The following ANKRD45 variants were observed in gnomAD, a reference collection of about 807,000 sequenced individuals.
ANKRD45 encodes ankyrin repeat domain-containing protein 45.
Under a neutral mutation model 28.1 loss-of-function variants are expected in ANKRD45, and 21 were observed. The ratio of observed to expected loss-of-function variants is 0.75; its 90% CI spans 0.53 to 1.08. ANKRD45 has a LOEUF of 1.08. Ranked by LOEUF, ANKRD45 falls within the 50% of genes least tolerant of loss-of-function variation. The pLI is 0.00. For synonymous variants in ANKRD45, 86 were observed against 103.9 expected, an observed-to-expected ratio of 0.83 and a Z score of 1.05; for missense variants, 261 against 308.7, an observed-to-expected ratio of 0.85 and a Z score of 1.16.
upstream of ANKRD45, among the ~76,000 whole-genome samples, chr1:173,674,269 C>T (rs1167658062): frequency 6.6e-6 from 1 of 152,154 alleles, no homozygotes; most frequent in Non-Finnish European, 1.5e-5. Context: ...CTGCCTCAGC[C>T]TCCCAAAGGG....
chr1:173,666,536 AC>A (rs1372365916), intron 1 of ANKRD45, among the ~76,000 whole-genome samples: 1 of 152,164 alleles, frequency 6.6e-6, no homozygotes, highest in Non-Finnish European at 1.5e-5. Context: ...TACTTATAAT[AC>A]CTAATACGAT....
At chr1:173,694,630 G>C in the ANKRD45 span, among the ~76,000 whole-genome samples, 1 of 151,348 alleles carries the variant, frequency 6.6e-6, no homozygotes, top group African/African-American at 2.4e-5. Context: ...ATTGTATAGT[G>C]GTGAATCTGG....
At chr1:173,653,295 G>T (rs1669330360) in intron 2 of ANKRD45, among the ~76,000 whole-genome samples, 1 of 152,162 alleles carries the variant, frequency 6.6e-6, no homozygotes, top group East Asian at 1.9e-4. Context: ...CTGGTATGTT[G>T]TGTCTTTGTT....
At chr1:173,667,806 C>G in intron 1 of ANKRD45, 1 of 387,222 alleles carries the variant, frequency 2.6e-6, no homozygotes, top group Non-Finnish European at 5.0e-6. Flanking sequence ...AATACTCTTC[C>G]CTTTTCCAAC....
At chr1:173,661,505 T>C (rs1479886314) in intron 1 of ANKRD45, among the ~76,000 whole-genome samples, 2 of 152,156 alleles carry the variant, frequency 1.3e-5, no homozygotes, top group Non-Finnish European at 2.9e-5. Context: ...TGTAGACAAC[T>C]GGTAGAGCAA....
chr1:173,677,479 T>C, the ANKRD45 span, among the ~76,000 whole-genome samples: 1 of 152,178 alleles, frequency 6.6e-6, no homozygotes, highest in African/African-American at 2.4e-5. Flanking sequence ...ACTGTACTTA[T>C]TTTATGTCTT....
At chr1:173,710,337 G>A in the ANKRD45 span, among the ~76,000 whole-genome samples, 6 of 152,216 alleles carry the variant, frequency 3.9e-5, no homozygotes, top group African/African-American at 7.2e-5. Flanking sequence ...AGAGATGGAG[G>A]CAAGTTTTAG....
the ANKRD45 span, among the ~76,000 whole-genome samples, chr1:173,688,779 T>C: frequency 6.6e-6 from 1 of 150,686 alleles, no homozygotes; most frequent in African/African-American, 2.4e-5. Context: ...TCTTTCTGCC[T>C]CTTTCCTCTC....
chr1:173,650,940 G>T (rs1272876381), intron 2 of ANKRD45, among the ~76,000 whole-genome samples: 1 of 151,688 alleles, frequency 6.6e-6, no homozygotes, highest in Non-Finnish European at 1.5e-5. Context: ...TTTTGATGGG[G>T]TTGTTTTTTT....
chr1:173,686,067 T>A, the ANKRD45 span, among the ~76,000 whole-genome samples: 3 of 152,028 alleles, frequency 2.0e-5, no homozygotes, highest in Non-Finnish European at 2.9e-5. Flanking sequence ...GACACTGGGG[T>A]CTTTATTGAA....
At chr1:173,615,290 C>T (rs1391344411) in intron 5 of ANKRD45, among the ~76,000 whole-genome samples, 1 of 150,018 alleles carries the variant, frequency 6.7e-6, no homozygotes, top group Admixed American at 6.7e-5. Flanking sequence ...GAGGCTGAGG[C>T]AGGAGAATCG....
intron 2 of ANKRD45, among the ~76,000 whole-genome samples, chr1:173,655,876 G>C (rs780126070): frequency 6.6e-6 from 1 of 152,238 alleles, no homozygotes; most frequent in African/African-American, 2.4e-5. Context: ...TGCTAGCAGT[G>C]AGCAAGGTTC....
the ANKRD45 span, among the ~76,000 whole-genome samples, chr1:173,690,696 C>T: frequency 6.6e-6 from 1 of 152,168 alleles, no homozygotes; most frequent in Non-Finnish European, 1.5e-5. Context: ...TTAGTCCTCT[C>T]ATTATCTTTC....
chr1:173,694,052 T>G, the ANKRD45 span, among the ~76,000 whole-genome samples: 1 of 152,114 alleles, frequency 6.6e-6, no homozygotes, highest in Non-Finnish European at 1.5e-5. Context: ...AAAGGAGGAG[T>G]ATCCCAGGGA....
At chr1:173,664,510 T>G (rs1452855782) in intron 1 of ANKRD45, among the ~76,000 whole-genome samples, 1 of 152,148 alleles carries the variant, frequency 6.6e-6, no homozygotes, top group Non-Finnish European at 1.5e-5. Flanking sequence ...TAGAATAGCT[T>G]TACATCTCCT....
rs958652248 is a variant in ANKRD45 at position 173,609,289 on chromosome 1, C to A, written c.*856G>T. 4.7e-4 allele frequency among the ~76,000 whole-genome samples: 71 copies of A among 152,156 alleles called. 2 individuals are homozygous for A. The highest frequency in any genetic ancestry group is 1.6e-3 in the African/African-American group (65 of 41,430). On this transcript the variant is annotated 3_prime_UTR_variant, in exon 6 of 6. Transcript: ENST00000333279. The stretch of plus-strand genomic sequence containing the variant: ...CATAAGGGAAAACTAGCTTTCAGAA[C>A]AGGACAAAGAAGAGAAAGCCATAAG...
rs1669786702 is a variant in ANKRD45, at chr1:173,661,793, T to C, written c.-15-2360A>G. On this transcript the variant is annotated intron_variant, in intron 1 of 5. Coordinates refer to ENST00000333279, the MANE Select transcript of ANKRD45 (RefSeq NM_198493.3). ...TCAACAAGGTAGGAAAGATCCCTCCTATCATGAAGCATATATTCTGATTGG... is the reference window on the plus strand; with the variant it reads ...TCAACAAGGTAGGAAAGATCCCTCCCATCATGAAGCATATATTCTGATTGG... Among the ~76,000 whole-genome samples the C allele has an allele frequency of 2.0e-5, 3 of 152,158 alleles. No individual in the cohort carries two copies. In the South Asian group the frequency reaches 6.2e-4, roughly 31 times the overall value.
At chr1:173,675,115 T>G in the ANKRD45 span, among the ~76,000 whole-genome samples, 9 of 152,096 alleles carry the variant, frequency 5.9e-5, no homozygotes, top group Admixed American at 5.9e-4. Flanking sequence ...GAAGTCCATA[T>G]ATTAGTAGGC....
At chr1:173,668,226 A>T (rs2102403547) in intron 1 of ANKRD45, among the ~76,000 whole-genome samples, 1 of 152,338 alleles carries the variant, frequency 6.6e-6, no homozygotes, top group African/African-American at 2.4e-5. Flanking sequence ...ACCTAGAAAT[A>T]GGAAAGTCTT....
Sources: allele counts gnomAD v4.1 joint callset (sites outside exome capture counted in the v4.1 genomes callset), GRCh38; gene constraint gnomAD v4.1.1; transcripts MANE v1.5; gene names NCBI Gene and HGNC (gene_info 2026-07-23, HGNC 2026-07-21).